ECD: variants seen among roughly 807,000 people sequenced by gnomAD.
ECD encodes the protein protein ecdysoneless homolog.
Under a neutral mutation model 77.2 loss-of-function variants are expected in ECD, and 59 were observed. That is an observed-to-expected ratio of 0.76 (90% confidence interval 0.62 to 0.95). The LOEUF (loss-of-function observed/expected upper bound fraction) is 0.95. Among genes scored for constraint, ECD ranks in the 40% least tolerant of loss-of-function variants. The pLI, the probability that ECD is intolerant of heterozygous loss-of-function variation, is 0.00. For synonymous variants in ECD, 233 were observed against 267.4 expected, an observed-to-expected ratio of 0.87 and a Z score of 1.26; for missense variants, 704 against 763.4, an observed-to-expected ratio of 0.92 and a Z score of 0.92.
At chr10:73,146,628 T>C (rs1173703493) in intron 8 of ECD, among the ~76,000 whole-genome samples, 2 of 152,200 alleles carry the variant, frequency 1.3e-5, no homozygotes, top group African/African-American at 4.8e-5. Context: ...CATTTTCTTT[T>C]ACTTAATTAC....
intron 5 of ECD, among the ~76,000 whole-genome samples, chr10:73,154,849 G>A (rs769317719): frequency 5.3e-5 from 8 of 151,768 alleles, no homozygotes; most frequent in East Asian, 2.0e-4. Context: ...TAGGAGAATC[G>A]CTTGAACCCG....
At chr10:73,161,359 G>A (rs189521397) in intron 2 of ECD, among the ~76,000 whole-genome samples, 11 of 151,488 alleles carry the variant, frequency 7.3e-5, no homozygotes, top group Non-Finnish European at 1.3e-4. Context: ...AACTAAAATC[G>A]GAAATGAAAG....
chr10:73,154,836 A>T (rs1843275020), intron 5 of ECD, among the ~76,000 whole-genome samples: 2 of 151,894 alleles, frequency 1.3e-5, no homozygotes, highest in Admixed American at 6.6e-5. Flanking sequence ...CGGGAGGCTG[A>T]CATAGGAGAA....
At chr10:73,152,449 G>A (rs1843225834) in intron 6 of ECD, 28 bp from the exon 7 acceptor site, 2 of 1,598,062 alleles carry the variant, frequency 1.3e-6, no homozygotes, top group South Asian at 1.1e-5. Flanking sequence ...AAATACATGA[G>A]TCTTTTCCTG....
chr10:73,144,998 T>TGGAC (rs1203361281), intron 9 of ECD, among the ~76,000 whole-genome samples: 14 of 152,310 alleles, frequency 9.2e-5, no homozygotes, highest in African/African-American at 2.6e-4. Flanking sequence ...GTATGCCACA[T>TGGAC]GGACATTATA....
intron 3 of ECD, among the ~76,000 whole-genome samples, chr10:73,158,765 C>T (rs1843335527): frequency 6.6e-6 from 1 of 151,892 alleles, no homozygotes; most frequent in South Asian, 2.1e-4. Context: ...AAATAGAGCA[C>T]AGTGGCATGT....
intron 7 of ECD, among the ~76,000 whole-genome samples, chr10:73,151,912 A>G (rs1208983345): frequency 6.6e-6 from 1 of 152,162 alleles, no homozygotes; most frequent in Non-Finnish European, 1.5e-5. Context: ...ATTTTTGCAT[A>G]ATCAAATTCA....
intron 2 of ECD, among the ~76,000 whole-genome samples, chr10:73,161,210 A>AAAT (rs1352942220): frequency 6.6e-6 from 1 of 152,110 alleles, no homozygotes; most frequent in African/African-American, 2.4e-5. Context: ...ATAAGGAAGG[A>AAAT]AATAATAAAC....
chr10:73,164,066 T>C, intron 1 of ECD, 116 bp from the exon 2 acceptor site: 1 of 837,734 alleles, frequency 1.2e-6, no homozygotes, highest in Non-Finnish European at 1.8e-6. Flanking sequence ...CCGGGCACAG[T>C]GGTTCATGCA....
chr10:73,148,485 G>A, intron 7 of ECD, 81 bp from the exon 8 acceptor site: 1 of 1,503,598 alleles, frequency 6.7e-7, no homozygotes, highest in Non-Finnish European at 9.0e-7. Context: ...TTTTTCCATT[G>A]AGCCACACTC....
At chr10:73,160,261 G>A (rs1453590383) in intron 3 of ECD, among the ~76,000 whole-genome samples, 173 bp downstream of exon 3, 2 of 150,214 alleles carry the variant, frequency 1.3e-5, no homozygotes, top group Admixed American at 6.6e-5. Flanking sequence ...ACTCCAGCCT[G>A]GGTGACAAAG....
At chr10:73,151,627 T>G (rs1216544074) in intron 7 of ECD, among the ~76,000 whole-genome samples, 1 of 152,206 alleles carries the variant, frequency 6.6e-6, no homozygotes, top group Non-Finnish European at 1.5e-5. Flanking sequence ...TTTGTAGCTT[T>G]AAAGTGCATT....
intron 1 of ECD, among the ~76,000 whole-genome samples, chr10:73,166,677 G>C (rs1301083267): frequency 6.6e-6 from 1 of 152,182 alleles, no homozygotes; most frequent in South Asian, 2.1e-4. Context: ...GCTTCCTAGA[G>C]AGTTGTTTGA....
In ECD at chr10:73,134,505, G is replaced by A; in HGVS notation, c.*78C>T. ...TAATGAAGAAACATTTTTACTAAAT[G>A]AGTAATCTAAACTAGAAATGAACAG... On this transcript the variant is annotated 3_prime_UTR_variant, in exon 14 of 14. Coordinates refer to ENST00000372979, the MANE Select transcript of ECD (RefSeq NM_007265.3). The A allele has an allele frequency of 7.7e-7, 1 of 1,306,024 alleles. No homozygotes were observed. Among genetic ancestry groups the A allele is most frequent in the Non-Finnish European group, 1.1e-6 (1 of 948,656 alleles). 80.9% of individuals were successfully genotyped at this position (1,306,024 alleles called of 1,614,324 possible). A position where few individuals can be genotyped will look rare whatever the true frequency, so the allele number is the denominator to read the frequency against.
intron 7 of ECD, among the ~76,000 whole-genome samples, chr10:73,149,063 G>A (rs1230714048): frequency 1.3e-5 from 2 of 152,148 alleles, no homozygotes; most frequent in East Asian, 3.8e-4. Context: ...ATACCTTGGA[G>A]ATCACTTACA....
chr10:73,135,645 C>T (rs972112616), intron 13 of ECD, among the ~76,000 whole-genome samples: 1 of 151,948 alleles, frequency 6.6e-6, no homozygotes, highest in Non-Finnish European at 1.5e-5. Context: ...TGCTTAAACC[C>T]AGGAGGCAGA....
chr10:73,134,808 A>C lies in ECD; in HGVS notation c.1710T>G (p.Pro570=), dbSNP rs1202681627. ...KSFTTRNQVE[P]VSQTTDNNSD... is the part of the protein sequence containing the mutation. ...AATTGTTATCGGTAGTCTGGGATAC[A>C]GGTTCCTTATTCATAGAGGGAAAAG... The change falls in exon 14 of 14, where the codon CCT becomes CCG. Residue 570 remains proline (P), a synonymous_variant. Coordinates refer to ENST00000372979, the MANE Select transcript of ECD (RefSeq NM_007265.3). 3 of 1,613,972 alleles carry C rather than the reference A, an allele frequency of 1.9e-6. No homozygotes were observed. Among genetic ancestry groups the C allele is most frequent in the South Asian group, 1.1e-5 (1 of 91,062 alleles).
intron 1 of ECD, among the ~76,000 whole-genome samples, chr10:73,167,205 G>A (rs994643067): frequency 6.6e-6 from 1 of 152,142 alleles, no homozygotes; most frequent in Admixed American, 6.5e-5. Flanking sequence ...CTATAACTCT[G>A]TTGTATAATC....
chr10:73,160,649 T>A, intron 2 of ECD, 98 bp from the exon 3 acceptor site: 1 of 849,066 alleles, frequency 1.2e-6, no homozygotes, highest in Non-Finnish European at 1.8e-6. Context: ...CATTGACTGA[T>A]TGCTCTAAGT....
Sources: gnomAD v4.1 joint callset for allele counts (sites outside exome capture counted in the v4.1 genomes callset) on GRCh38, gnomAD v4.1.1 for gene constraint, MANE v1.5 for transcripts, NCBI Gene and HGNC (gene_info 2026-07-23, HGNC 2026-07-21) for gene names.